Variants in USP25 observed in about 807,000 individuals in gnomAD.
USP25 encodes ubiquitin specific peptidase 25.
USP25 carries 85 observed loss-of-function variants against 158.5 expected under a neutral mutation model. That is an observed-to-expected ratio of 0.54 (90% CI 0.45 to 0.64). The LOEUF (loss-of-function observed/expected upper bound fraction) is 0.64, where lower values mean the gene tolerates loss of function less well. Among genes scored for constraint, USP25 ranks in the 30% least tolerant of loss-of-function variants. USP25 has a pLI of 0.00. For missense variants in USP25, 1,242 were observed against 1,327.3 expected, an observed-to-expected ratio of 0.94 and a Z score of 1.00; for synonymous variants, 464 against 460.4, an observed-to-expected ratio of 1.01 and a Z score of -0.10.
chr21:15,810,295 G>C (rs917606614), intron 8 of USP25, among the ~76,000 whole-genome samples: 15 of 152,002 alleles, frequency 9.9e-5, no homozygotes, highest in African/African-American at 3.6e-4. Context: ...AGGATTAAAT[G>C]ATGACCCATT....
intron 4 of USP25, among the ~76,000 whole-genome samples, chr21:15,786,417 T>G (rs982608404): frequency 1.3e-5 from 2 of 152,126 alleles, no homozygotes; most frequent in Non-Finnish European, 2.9e-5. Flanking sequence ...AACGGCATAT[T>G]AAAAACATCA....
In USP25 at chr21:15,800,336, G is replaced by A. The variant is rs1254730926; in HGVS notation, c.642+493G>A. Among the ~76,000 whole-genome samples the A allele has an allele frequency of 4.0e-5, 6 of 151,316 alleles. No homozygotes were observed. The South Asian group carries it at 1.2e-3, about 31-fold the overall frequency. ...CACACACCAGGGCCAGATTGCGTGG[G>A]TTCTAGCTAGGGACCTAGAGCTGGT... On this transcript the variant is annotated intron_variant, in intron 6 of 25. Coordinates refer to ENST00000400183, the MANE Select transcript of USP25 (RefSeq NM_001283041.3).
Position 15,766,088 on chromosome 21 carries a change from C to G in USP25, c.215C>G (p.Thr72Arg), listed in dbSNP as rs766202959. The change falls in exon 3 of 26, where the codon ACA (threonine) becomes AGA (arginine). Residue 72 changes from threonine to arginine, a missense_variant. By Grantham distance (71) the Thr-to-Arg change is moderately conservative. Transcript: ENST00000400183. This position sits in a 1 kb window ranked among gnomAD's most constrained non-coding sequence, Gnocchi z 4.0. Reference sequence around the variant, plus strand: ...CAGGAGGAGACAACTTACTACCAAACAGCACTTCCTGGCAATGATAGATAC... The same window carrying G: ...CAGGAGGAGACAACTTACTACCAAAGAGCACTTCCTGGCAATGATAGATAC... ...PQQEETTYYQ[T>R]ALPGNDRYIS... is the part of the protein sequence containing the mutation. 8 of 1,610,736 alleles carry G rather than the reference C, an allele frequency of 5.0e-6. No homozygotes were observed. In the South Asian group the frequency reaches 7.7e-5, roughly 15 times the overall value.
At chr21:15,867,995 G>C (rs2039730278) in intron 22 of USP25, among the ~76,000 whole-genome samples, 1 of 152,112 alleles carries the variant, frequency 6.6e-6, no homozygotes, top group African/African-American at 2.4e-5. Flanking sequence ...TATGGAGCTT[G>C]ATAAGCCAAC....
intron 4 of USP25, among the ~76,000 whole-genome samples, chr21:15,786,509 CAA>C (rs1227704551): frequency 6.6e-6 from 1 of 152,014 alleles, no homozygotes; most frequent in South Asian, 2.1e-4. Flanking sequence ...ATCACAGTAA[CAA>C]AGAGAACGGA....
At chr21:15,750,224 T>G (rs796960978) in intron 1 of USP25, among the ~76,000 whole-genome samples, 14 of 132,402 alleles carry the variant, frequency 1.1e-4, no homozygotes, top group East Asian at 4.5e-4. Context: ...GTTTTTTTTT[T>G]TTTTTTTTTT....
chr21:15,767,594 G>T (rs184539081), intron 3 of USP25, among the ~76,000 whole-genome samples: 43 of 152,124 alleles, frequency 2.8e-4, no homozygotes, highest in Admixed American at 2.7e-3. Flanking sequence ...AAGAGAAGTG[G>T]TATAAAGGTC....
At chr21:15,779,074 G>A (rs1415666778) in intron 4 of USP25, among the ~76,000 whole-genome samples, 1 of 151,952 alleles carries the variant, frequency 6.6e-6, no homozygotes, top group East Asian at 1.9e-4. Flanking sequence ...TTATCTTAGT[G>A]CGACTTTTTA....
At chr21:15,782,472 A>G (rs1389391569) in intron 4 of USP25, among the ~76,000 whole-genome samples, 1 of 152,202 alleles carries the variant, frequency 6.6e-6, no homozygotes, top group East Asian at 1.9e-4. Context: ...CCAGCCCAGC[A>G]GTAACCCTGC....
chr21:15,857,988 T>TCAGG (rs1460313630), intron 20 of USP25, among the ~76,000 whole-genome samples: 36 of 115,726 alleles, frequency 3.1e-4, no homozygotes, highest in African/African-American at 1.0e-3. Context: ...TTATACTTAA[T>TCAGG]GATATACTAA....
At chr21:15,736,409 G>A (rs946271879) in intron 1 of USP25, among the ~76,000 whole-genome samples, 2 of 152,048 alleles carry the variant, frequency 1.3e-5, no homozygotes, top group Non-Finnish European at 2.9e-5. Flanking sequence ...ATCCAAACTT[G>A]TGTTTTTGTC....
chr21:15,797,959 G>A (rs1292221359), intron 5 of USP25, among the ~76,000 whole-genome samples: 1 of 151,030 alleles, frequency 6.6e-6, no homozygotes, highest in East Asian at 1.9e-4. Flanking sequence ...TATAAATTTA[G>A]CCATTATAGG....
intron 1 of USP25, among the ~76,000 whole-genome samples, chr21:15,741,827 C>CTGAG (rs2032085361): frequency 1.3e-5 from 2 of 152,084 alleles, no homozygotes; most frequent in African/African-American, 4.8e-5. Flanking sequence ...TTTTTGTTTG[C>CTGAG]TTGTTTAAAC....
chr21:15,752,964 G>A (rs2033131455), intron 1 of USP25, among the ~76,000 whole-genome samples: 2 of 152,226 alleles, frequency 1.3e-5, no homozygotes, highest in Non-Finnish European at 2.9e-5. Flanking sequence ...AGGATTAGTT[G>A]CCTGGTGAGT....
chr21:15,850,344 TC>T (rs925929022), intron 20 of USP25, among the ~76,000 whole-genome samples: 1 of 152,030 alleles, frequency 6.6e-6, no homozygotes, highest in African/African-American at 2.4e-5. Flanking sequence ...TTGTTATGTT[TC>T]CCCATAATTA....
chr21:15,791,848 G>A (rs144272481), intron 5 of USP25, among the ~76,000 whole-genome samples, 184 bp downstream of exon 5: 362 of 151,856 alleles, frequency 2.4e-3, no homozygotes, highest in African/African-American at 8.3e-3. Flanking sequence ...TTCATTTCTA[G>A]TATGTATTTT....
chr21:15,815,251 G>A (rs556630018), intron 9 of USP25, among the ~76,000 whole-genome samples: 2 of 152,332 alleles, frequency 1.3e-5, no homozygotes, highest in African/African-American at 4.8e-5. Flanking sequence ...GGATGTCCAG[G>A]CAGAAGTTTG....
chr21:15,750,181 CGTGTGTGTGTGTGT>C (rs367779613), intron 1 of USP25, among the ~76,000 whole-genome samples: 1 of 126,942 alleles, frequency 7.9e-6, no homozygotes, highest in Non-Finnish European at 1.6e-5. Context: ...TCTCCAGTGC[CGTGTGTGTGTGTGT>C]GTGTGTGTGT....
chr21:15,849,802 G>T lies in USP25; in HGVS notation c.2477G>T (p.Gly826Val). Residue 826 changes from glycine (G) to valine (V), a missense_variant, in exon 20 of 26, where the codon GGT (glycine) becomes GTT (valine). Transcript: ENST00000400183. Reference sequence around the variant, plus strand: ...ATCATGATGACACCGAACATGCAAGGTATTATCATGGCGATAGGTAAATCC... The same window carrying T: ...ATCATGATGACACCGAACATGCAAGTTATTATCATGGCGATAGGTAAATCC... ...DEIMMTPNMQ[G>V]IIMAIGKSRS... 1.3e-6 allele frequency: 2 copies of T among 1,542,796 alleles called. No individual in the cohort carries two copies. Among genetic ancestry groups the T allele is most frequent in the Non-Finnish European group, 1.7e-6 (2 of 1,143,556 alleles).
Sources: allele counts gnomAD v4.1 joint callset (sites outside exome capture counted in the v4.1 genomes callset), GRCh38; gene constraint gnomAD v4.1.1; non-coding constraint Gnocchi (gnomAD v3.1); transcripts MANE v1.5; gene names NCBI Gene and HGNC (gene_info 2026-07-23, HGNC 2026-07-21).